RPS6KC1: variants seen among roughly 807,000 people sequenced by gnomAD.
RPS6KC1 encodes inactive ribosomal protein S6 kinase delta-1.
In RPS6KC1, 54 loss-of-function variants were observed where a neutral mutation model predicts 103.8. The observed-to-expected ratio is 0.52, with a 90% CI of 0.42 to 0.65. The LOEUF is 0.65. Among genes scored for constraint, RPS6KC1 ranks in the 30% least tolerant of loss-of-function variants. RPS6KC1 has a pLI of 0.00. For synonymous variants in RPS6KC1, 439 were observed against 438.7 expected (o/e 1.00, Z -0.01); for missense variants, 1,151 against 1,253.8 (o/e 0.92, Z 1.24).
chr1:213,255,036 C>T (rs544638419), intron 12 of RPS6KC1, among the ~76,000 whole-genome samples: 108 of 151,834 alleles, frequency 7.1e-4, no homozygotes, highest in African/African-American at 2.4e-3. Context: ...CGTGGTGGCT[C>T]GTGCCTGTAA....
chr1:213,163,704 A>G (rs1253783877), intron 6 of RPS6KC1, among the ~76,000 whole-genome samples: 2 of 152,138 alleles, frequency 1.3e-5, no homozygotes, highest in Non-Finnish European at 2.9e-5. Flanking sequence ...GGCAAATGAG[A>G]AAAGGCCATT....
At chr1:213,135,504 G>A (rs1296509972) in intron 6 of RPS6KC1, among the ~76,000 whole-genome samples, 2 of 152,006 alleles carry the variant, frequency 1.3e-5, no homozygotes, top group Non-Finnish European at 2.9e-5. Flanking sequence ...TGTGACCTGT[G>A]ACCTGAATGT....
intron 3 of RPS6KC1, among the ~76,000 whole-genome samples, chr1:213,101,941 A>G (rs77385750): frequency 0.011 from 1,707 of 152,282 alleles, 37 homozygotes; most frequent in African/African-American, 0.037. Flanking sequence ...TTTTCAAGCC[A>G]GAGAATTGGT....
At chr1:213,732,381 C>T in the RPS6KC1 span, among the ~76,000 whole-genome samples, 2 of 103,614 alleles carry the variant, frequency 1.9e-5, no homozygotes, top group Non-Finnish European at 4.4e-5. Context: ...GTGTGTAAGC[C>T]TAAAATAGAA....
the RPS6KC1 span, among the ~76,000 whole-genome samples, chr1:213,359,861 C>G: frequency 6.6e-6 from 1 of 152,270 alleles, no homozygotes; most frequent in African/African-American, 2.4e-5. Flanking sequence ...AAATTCTTTC[C>G]TTTAAGAACG....
At chr1:213,567,499 C>G in the RPS6KC1 span, among the ~76,000 whole-genome samples, 1 of 152,160 alleles carries the variant, frequency 6.6e-6, no homozygotes, top group African/African-American at 2.4e-5. Flanking sequence ...TCAGTTCTCC[C>G]TTTGTTTGGG....
chr1:213,456,349 A>G, the RPS6KC1 span, among the ~76,000 whole-genome samples: 1 of 152,168 alleles, frequency 6.6e-6, no homozygotes, highest in Non-Finnish European at 1.5e-5. Context: ...CACAAAAGAT[A>G]GTCTGACCAG....
the RPS6KC1 span, among the ~76,000 whole-genome samples, chr1:213,860,415 A>G: frequency 3.1e-4 from 47 of 152,092 alleles, no homozygotes; most frequent in African/African-American, 1.1e-3. Context: ...CAAAAAAAAA[A>G]TACCTATAGC....
the RPS6KC1 span, among the ~76,000 whole-genome samples, chr1:213,471,715 AAC>A: frequency 6.6e-6 from 1 of 152,064 alleles, no homozygotes; most frequent in African/African-American, 2.4e-5. Context: ...CCCATTTAAA[AAC>A]AGTGTTCCTC....
chr1:213,350,307 C>T, the RPS6KC1 span, among the ~76,000 whole-genome samples: 2 of 152,192 alleles, frequency 1.3e-5, no homozygotes, highest in African/African-American at 4.8e-5. Context: ...TTGTCCATCA[C>T]ATGCATGTGC....
At chr1:213,080,985 G>A (rs1168777527) in intron 3 of RPS6KC1, among the ~76,000 whole-genome samples, 1 of 152,254 alleles carries the variant, frequency 6.6e-6, no homozygotes, top group East Asian at 1.9e-4. Context: ...TAAGAAAAAT[G>A]TGTAAGTGAA....
At chr1:213,531,709 G>T in the RPS6KC1 span, among the ~76,000 whole-genome samples, 2 of 152,232 alleles carry the variant, frequency 1.3e-5, no homozygotes, top group Non-Finnish European at 2.9e-5. Flanking sequence ...GTGGAAAGAA[G>T]TTTCCTAAAC....
the RPS6KC1 span, among the ~76,000 whole-genome samples, chr1:213,704,809 C>T: frequency 6.9e-4 from 105 of 152,330 alleles, 2 homozygotes; most frequent in East Asian, 0.02. Context: ...GTGTTGTGTT[C>T]TATTTTGTAT....
At chr1:213,351,939 G>C in the RPS6KC1 span, among the ~76,000 whole-genome samples, 4 of 151,472 alleles carry the variant, frequency 2.6e-5, no homozygotes, top group African/African-American at 9.7e-5. Context: ...ATACTACTCT[G>C]GGCTGGAGGT....
At chr1:213,457,741 G>C in the RPS6KC1 span, among the ~76,000 whole-genome samples, 1 of 152,144 alleles carries the variant, frequency 6.6e-6, no homozygotes. Context: ...CTTTTGCAAG[G>C]AACAATTGGA....
chr1:213,176,388 A>C lies in RPS6KC1; in HGVS notation c.952-12A>C, dbSNP rs763649903. On this transcript the variant is annotated splice_polypyrimidine_tract_variant and intron_variant, in intron 7 of 14. Coordinates refer to ENST00000366960, the MANE Select transcript of RPS6KC1 (RefSeq NM_012424.6). ...CCCTGATTGATGTATAATCTTTGAT[A>C]TCTTCCATTAGCCTCCAGGATCACT... 1 of 1,580,188 alleles carries C rather than the reference A, an allele frequency of 6.3e-7. No homozygotes were observed. The highest frequency in any genetic ancestry group is 8.7e-7 in the Non-Finnish European group (1 of 1,154,580).
At chr1:213,070,360 G>C (rs2078755953) in intron 1 of RPS6KC1, among the ~76,000 whole-genome samples, 1 of 152,170 alleles carries the variant, frequency 6.6e-6, no homozygotes, top group South Asian at 2.1e-4. Context: ...TTTTTCTTAA[G>C]AATGTAGTGA....
chr1:213,721,334 G>A, the RPS6KC1 span, among the ~76,000 whole-genome samples: 1 of 152,124 alleles, frequency 6.6e-6, no homozygotes, highest in Admixed American at 6.5e-5. Flanking sequence ...GTTGTGGGAG[G>A]GACCCAGTGG....
the RPS6KC1 span, among the ~76,000 whole-genome samples, chr1:213,326,218 AAG>A: frequency 1.3e-5 from 2 of 152,194 alleles, no homozygotes; most frequent in African/African-American, 2.4e-5. Flanking sequence ...AAAAAGAAAA[AAG>A]AAAAAAAAGA....
Sources: gnomAD v4.1 joint callset for allele counts (sites outside exome capture counted in the v4.1 genomes callset) on GRCh38, gnomAD v4.1.1 for gene constraint, MANE v1.5 for transcripts, NCBI Gene and HGNC (gene_info 2026-07-23, HGNC 2026-07-21) for gene names.